Variants in KIF6 observed in about 807,000 individuals in gnomAD.
KIF6 encodes kinesin-like protein KIF6.
KIF6 carries 106 observed loss-of-function variants against 112.7 expected under a neutral mutation model. That is an observed-to-expected ratio of 0.94 (90% CI 0.80 to 1.11). The LOEUF is 1.11. Ranked by LOEUF, KIF6 falls within the 50% of genes least tolerant of loss-of-function variation. The probability of loss-of-function intolerance (pLI) is 0.00; values close to 1 mark genes in which losing one functional copy is unlikely to be tolerated. For synonymous variants in KIF6, 339 were observed against 339.9 expected (o/e 1.00, Z 0.03); for missense variants, 929 against 964.0 (o/e 0.96, Z 0.48).
chr6:39,431,128 T>C lies in KIF6; in HGVS notation c.1679A>G (p.Glu560Gly). Residue 560 changes from glutamate (E) to glycine (G), a missense_variant, in exon 14 of 23, where the codon GAG (glutamate) becomes GGG (glycine). This residue lies in a region of KIF6 where 241 missense variants were observed against 301.4 expected (regional missense o/e 0.80). Transcript: ENST00000287152. ...GTCCCTCTTGAAGATTTCAAAAGCC[T>C]CCTGGCATCCTAATGACATTTCCTC... ...MREEMSLGCQ[E>G]AFEIFKRDHA... 1 of 1,612,150 alleles carries C rather than the reference T, an allele frequency of 6.2e-7. No homozygotes were observed. Among genetic ancestry groups the C allele is most frequent in the Non-Finnish European group, 8.5e-7 (1 of 1,178,276 alleles).
At chr6:39,431,639 T>A (rs762633820) in intron 13 of KIF6, among the ~76,000 whole-genome samples, 1 of 152,214 alleles carries the variant, frequency 6.6e-6, no homozygotes, top group Non-Finnish European at 1.5e-5. Flanking sequence ...AATTCATTCT[T>A]GTTTCCTGTG....
chr6:39,630,842 T>C (rs1784315772), intron 5 of KIF6, among the ~76,000 whole-genome samples: 1 of 152,020 alleles, frequency 6.6e-6, no homozygotes, highest in East Asian at 1.9e-4. Flanking sequence ...TTGAGAACAT[T>C]TCCTACATTT....
chr6:39,598,570 C>CAT (rs1029287479), intron 6 of KIF6, among the ~76,000 whole-genome samples: 177 of 138,002 alleles, frequency 1.3e-3, no homozygotes, highest in African/African-American at 4.2e-3. Flanking sequence ...GGCAGGTATA[C>CAT]ATATATATGT....
intron 10 of KIF6, among the ~76,000 whole-genome samples, chr6:39,561,332 A>C (rs1779994324): frequency 6.6e-6 from 1 of 150,498 alleles, no homozygotes; most frequent in Non-Finnish European, 1.5e-5. Flanking sequence ...TGAGAATGTT[A>C]AAAGGAGAAT....
chr6:39,542,767 T>C (rs1019606630), intron 12 of KIF6, among the ~76,000 whole-genome samples: 3 of 152,222 alleles, frequency 2.0e-5, no homozygotes, highest in Non-Finnish European at 4.4e-5. Context: ...AAAGCACTTA[T>C]GGGCTTTTCT....
intron 2 of KIF6, 50 bp from the exon 3 acceptor site, chr6:39,714,816 A>C (rs951269164): frequency 6.9e-6 from 8 of 1,157,182 alleles, no homozygotes; most frequent in Non-Finnish European, 1.0e-5. Context: ...TCCAAACACT[A>C]TCAGATTAAT....
chr6:39,594,727 G>A (rs1196298825), intron 7 of KIF6, among the ~76,000 whole-genome samples: 1 of 152,082 alleles, frequency 6.6e-6, no homozygotes, highest in African/African-American at 2.4e-5. Context: ...GTTAAAAAAA[G>A]GTTTTATTTT....
chr6:39,470,714 C>A (rs1489363774), intron 13 of KIF6, among the ~76,000 whole-genome samples: 2 of 151,094 alleles, frequency 1.3e-5, no homozygotes, highest in Non-Finnish European at 3.0e-5. Flanking sequence ...CACTATTCCC[C>A]ATCAATCAAA....
intron 13 of KIF6, among the ~76,000 whole-genome samples, chr6:39,469,085 G>T (rs1773973100): frequency 6.6e-6 from 1 of 151,926 alleles, no homozygotes; most frequent in Admixed American, 6.6e-5. Context: ...TATCTCACTG[G>T]AATTAATTAG....
chr6:39,587,058 G>A (rs1029396298), intron 7 of KIF6, among the ~76,000 whole-genome samples: 22 of 152,318 alleles, frequency 1.4e-4, no homozygotes, highest in Non-Finnish European at 2.8e-4. Context: ...AGTTGACCTT[G>A]GTTCAATTCA....
rs575977356 is a variant in KIF6, at chr6:39,629,813, T to C, written c.509+5036A>G. ...GTGTTATCTTCTAGAAGACTTATAG[T>C]TTTGCATGGTACATTCTGGTCTATG... On this transcript the variant is annotated intron_variant, in intron 5 of 22. Transcript: ENST00000287152. Among the ~76,000 whole-genome samples the C allele has an allele frequency of 1.1e-4, 17 of 152,170 alleles. No individual in the cohort carries two copies. The South Asian group carries it at 3.5e-3, about 32-fold the overall frequency.
intron 15 of KIF6, among the ~76,000 whole-genome samples, chr6:39,396,820 AG>A (rs1768306826): frequency 1.3e-5 from 2 of 152,292 alleles, no homozygotes; most frequent in South Asian, 4.2e-4. Context: ...AATGATTATG[AG>A]GTGGGTGGCT....
rs545253342 is a variant in KIF6 at position 39,713,250 on chromosome 6, G to A, written c.251+1442C>T. ...TGACAAGTGAACAAAGTATTTGGAG[G>A]AGGATGGAGTGATCAACTGTGTCAA... is the stretch of plus-strand genomic sequence containing the variant. On this transcript the variant is annotated intron_variant, in intron 3 of 22. Transcript: ENST00000287152. Among the ~76,000 whole-genome samples the A allele has an allele frequency of 2.6e-5, 4 of 152,334 alleles. No homozygotes were observed. In the South Asian group the frequency reaches 8.3e-4, roughly 32 times the overall value.
chr6:39,652,231 T>C (rs1431080962), intron 3 of KIF6, among the ~76,000 whole-genome samples: 1 of 152,062 alleles, frequency 6.6e-6, no homozygotes, highest in Non-Finnish European at 1.5e-5. Context: ...CTCAATAAAC[T>C]AAAAAATCTT....
intron 10 of KIF6, among the ~76,000 whole-genome samples, chr6:39,547,293 G>A (rs941756572): frequency 6.6e-6 from 1 of 152,180 alleles, no homozygotes; most frequent in Admixed American, 6.5e-5. Context: ...ATATTTACAA[G>A]TGTGAGACAA....
chr6:39,590,880 T>G (rs547024227), intron 7 of KIF6, among the ~76,000 whole-genome samples: 106 of 152,278 alleles, frequency 7.0e-4, no homozygotes, highest in Non-Finnish European at 2.8e-4. Context: ...CAGGAAAGGC[T>G]TTAGATTAGA....
intron 5 of KIF6, among the ~76,000 whole-genome samples, chr6:39,625,968 G>A (rs1171100710): frequency 6.6e-6 from 1 of 152,106 alleles, no homozygotes; most frequent in Non-Finnish European, 1.5e-5. Context: ...AAGAGATTTA[G>A]GGCAGGGAGT....
At chr6:39,390,615 A>T (rs1417452824) in intron 15 of KIF6, among the ~76,000 whole-genome samples, 1 of 152,158 alleles carries the variant, frequency 6.6e-6, no homozygotes, top group Non-Finnish European at 1.5e-5. Context: ...GGTCCTGGGT[A>T]ATTACTAAGA....
At chr6:39,344,007 T>C (rs911808707) in intron 21 of KIF6, among the ~76,000 whole-genome samples, 192 bp from the exon 22 acceptor site, 5 of 152,134 alleles carry the variant, frequency 3.3e-5, no homozygotes, top group African/African-American at 1.2e-4. Context: ...GCAAATTGGG[T>C]CAAGTCATTC....
Sources: gnomAD v4.1 joint callset for allele counts (sites outside exome capture counted in the v4.1 genomes callset) on GRCh38, gnomAD v4.1.1 for gene constraint, gnomAD v4.1.1 regional missense constraint, MANE v1.5 for transcripts, NCBI Gene and HGNC (gene_info 2026-07-23, HGNC 2026-07-21) for gene names.